Variants in ACOXL observed in about 807,000 individuals in gnomAD.
ACOXL encodes the protein acyl-CoA oxidase like.
ACOXL carries 70 observed loss-of-function variants against 71.9 expected under a neutral mutation model. The ratio of observed to expected loss-of-function variants is 0.97; its 90% CI spans 0.80 to 1.19. ACOXL has a LOEUF of 1.19. Ranked by LOEUF, ACOXL falls within the 50% of genes most tolerant of loss-of-function variation. The pLI is 0.00. For synonymous variants in ACOXL, 253 were observed against 281.6 expected, an observed-to-expected ratio of 0.90 and a Z score of 1.02; for missense variants, 703 against 736.3, an observed-to-expected ratio of 0.95 and a Z score of 0.52.
At chr2:110,855,603 C>T (rs1356059214) in intron 10 of ACOXL, among the ~76,000 whole-genome samples, 2 of 152,174 alleles carry the variant, frequency 1.3e-5, no homozygotes, top group East Asian at 1.9e-4. Flanking sequence ...TTTCCCTTTA[C>T]CCAATGCTTC....
rs1241795759 is a variant in ACOXL, at chr2:111,092,985, A to T, written c.1542+19A>T. ...GAATCAGGTAAGGTCCCTGGGGTAC[A>T]GAAAAACACTTTGTACATCAGCCCT... On this transcript the variant is annotated intron_variant, in intron 17 of 17. Coordinates refer to ENST00000439055, the MANE Select transcript of ACOXL (RefSeq NM_001142807.4). 2 of 1,596,066 alleles carry T rather than the reference A, an allele frequency of 1.3e-6. No individual in the cohort carries two copies. The highest frequency in any genetic ancestry group is 2.7e-5 in the African/African-American group (2 of 74,536).
intron 13 of ACOXL, among the ~76,000 whole-genome samples, chr2:110,991,603 A>G (rs145580443): frequency 3.5e-4 from 53 of 152,350 alleles, no homozygotes; most frequent in African/African-American, 1.2e-3. Flanking sequence ...GATTAAACAC[A>G]TGGAAAACAC....
intron 17 of ACOXL, among the ~76,000 whole-genome samples, chr2:111,102,580 C>T (rs564075155): frequency 4.6e-5 from 7 of 152,026 alleles, no homozygotes; most frequent in East Asian, 1.9e-4. Context: ...TTCATACCCT[C>T]GGTCCAGGAT....
chr2:111,104,461 T>C (rs1271073224), intron 17 of ACOXL, among the ~76,000 whole-genome samples: 1 of 152,224 alleles, frequency 6.6e-6, no homozygotes, highest in Non-Finnish European at 1.5e-5. Context: ...ACAATCAGTG[T>C]AGAAGTGATC....
At position 110,972,041 on chromosome 2, in the gene ACOXL, T is replaced by A. The variant is rs558115895; in HGVS notation, c.1060-15067T>A. ...GCTGTTTAGTGTGTTATGGGAATGATCACAATTTCTAAATGTGAACTCAAG... is the reference window on the plus strand; with the variant it reads ...GCTGTTTAGTGTGTTATGGGAATGAACACAATTTCTAAATGTGAACTCAAG... On this transcript the variant is annotated intron_variant, in intron 12 of 17. Transcript: ENST00000439055. 2.0e-5 allele frequency among the ~76,000 whole-genome samples: 3 copies of A among 152,322 alleles called. No individual in the cohort carries two copies. The South Asian group carries it at 6.2e-4, about 32-fold the overall frequency.
chr2:110,895,844 A>G (rs2058986367), intron 10 of ACOXL, among the ~76,000 whole-genome samples: 2 of 152,160 alleles, frequency 1.3e-5, no homozygotes. Flanking sequence ...GCACTTTCAG[A>G]TGAAGGGAAA....
chr2:110,744,264 C>T (rs1419075811), intron 1 of ACOXL, among the ~76,000 whole-genome samples: 1 of 152,050 alleles, frequency 6.6e-6, no homozygotes, highest in African/African-American at 2.4e-5. Flanking sequence ...TGCTCTGGGC[C>T]CAAGGAACAT....
intron 15 of ACOXL, among the ~76,000 whole-genome samples, chr2:111,035,099 C>T (rs1490053101): frequency 2.0e-5 from 3 of 152,054 alleles, no homozygotes; most frequent in Admixed American, 2.0e-4. Context: ...ATCTCCTGAC[C>T]TCGTGATCTG....
chr2:111,095,855 G>A (rs1050472724), intron 17 of ACOXL, among the ~76,000 whole-genome samples: 1 of 152,200 alleles, frequency 6.6e-6, no homozygotes. Flanking sequence ...CTCTGAGCTG[G>A]CAACCCTGAG....
Position 110,816,057 on chromosome 2 carries a change from A to T in ACOXL, c.753+10662A>T, listed in dbSNP as rs1348510264. Among the ~76,000 whole-genome samples the T allele has an allele frequency of 4.6e-5, 7 of 152,126 alleles. No homozygotes were observed. The East Asian group carries it at 1.2e-3, about 25-fold the overall frequency. Reference sequence around the variant, plus strand: ...GATTAATTGATGGATGGAGGGATGGATGGGTAGATGAATAGATGGATGAAT... The same window carrying T: ...GATTAATTGATGGATGGAGGGATGGTTGGGTAGATGAATAGATGGATGAAT... On this transcript the variant is annotated intron_variant, in intron 9 of 17. Transcript: ENST00000439055.
intron 12 of ACOXL, among the ~76,000 whole-genome samples, chr2:110,982,195 G>C (rs544833054): frequency 1.3e-5 from 2 of 151,870 alleles, no homozygotes; most frequent in African/African-American, 4.8e-5. Context: ...CTTGCTCTGC[G>C]CCCAGGCTGG....
chr2:110,986,766 G>C (rs2062952883), intron 12 of ACOXL, among the ~76,000 whole-genome samples: 2 of 152,314 alleles, frequency 1.3e-5, no homozygotes, highest in South Asian at 4.1e-4. Flanking sequence ...GTGAAAAAGA[G>C]AACGGACCAG....
intron 10 of ACOXL, among the ~76,000 whole-genome samples, chr2:110,867,278 C>G (rs1694727906): frequency 6.6e-6 from 1 of 152,144 alleles, no homozygotes; most frequent in Non-Finnish European, 1.5e-5. Context: ...CAGGGGAGGA[C>G]TAGTGCCTGA....
At chr2:111,054,134 C>T (rs918390066) in intron 16 of ACOXL, among the ~76,000 whole-genome samples, 1 of 152,184 alleles carries the variant, frequency 6.6e-6, no homozygotes, top group Admixed American at 6.5e-5. Context: ...ATGGGAGGCT[C>T]AAGGCAGGCC....
intron 10 of ACOXL, among the ~76,000 whole-genome samples, chr2:110,903,596 T>C (rs984808198): frequency 8.5e-5 from 13 of 152,264 alleles, no homozygotes; most frequent in African/African-American, 2.9e-4. Context: ...GAGAGAAATA[T>C]AGCCTTTGTA....
At chr2:110,781,610 C>T (rs1055666040) in intron 2 of ACOXL, among the ~76,000 whole-genome samples, 1 of 151,878 alleles carries the variant, frequency 6.6e-6, no homozygotes, top group African/African-American at 2.4e-5. Flanking sequence ...CCATGCACTC[C>T]AGCCTGGGTG....
chr2:110,945,253 G>A (rs1363551577), intron 12 of ACOXL, among the ~76,000 whole-genome samples: 3 of 152,048 alleles, frequency 2.0e-5, no homozygotes, highest in Non-Finnish European at 4.4e-5. Flanking sequence ...TTTGTTGAAT[G>A]CATAGTTGGC....
intron 2 of ACOXL, among the ~76,000 whole-genome samples, chr2:110,770,817 G>A (rs900740019): frequency 3.3e-5 from 5 of 152,220 alleles, no homozygotes; most frequent in Admixed American, 2.0e-4. Context: ...AGCCCAACAT[G>A]TCTGTGGCTT....
chr2:110,811,610 CA>C (rs997445012), intron 9 of ACOXL, among the ~76,000 whole-genome samples: 3 of 152,128 alleles, frequency 2.0e-5, no homozygotes, highest in Non-Finnish European at 1.5e-5. Context: ...GTTGAAAGCA[CA>C]GCTCATCTGC....
Sources: gnomAD v4.1 joint callset for allele counts (sites outside exome capture counted in the v4.1 genomes callset) on GRCh38, gnomAD v4.1.1 for gene constraint, MANE v1.5 for transcripts, NCBI Gene and HGNC (gene_info 2026-07-23, HGNC 2026-07-21) for gene names.